Variants in OTUD7B observed in about 807,000 individuals in gnomAD.
OTUD7B encodes OTU domain-containing protein 7B.
Under a neutral mutation model 82.2 loss-of-function variants are expected in OTUD7B, and 34 were observed. The ratio of observed to expected loss-of-function variants is 0.41; its 90% CI spans 0.31 to 0.55. The LOEUF is 0.55. Among genes scored for constraint, OTUD7B ranks in the 20% least tolerant of loss-of-function variants. OTUD7B has a pLI of 0.20. For synonymous variants in OTUD7B, 398 were observed against 402.7 expected, an observed-to-expected ratio of 0.99 and a Z score of 0.14; for missense variants, 944 against 1,062.1, an observed-to-expected ratio of 0.89 and a Z score of 1.55.
At chr1:150,057,896 A>G in the OTUD7B span, among the ~76,000 whole-genome samples, 1 of 152,244 alleles carries the variant, frequency 6.6e-6, no homozygotes, top group African/African-American at 2.4e-5. Context: ...ACAGAAATGT[A>G]TAGCTAGCTA....
Position 149,944,400 on chromosome 1 carries a change from T to C in OTUD7B, c.1989A>G (p.Pro663=), listed in dbSNP as rs1647533416. Residue 663 remains proline, a synonymous_variant, in exon 12 of 12, where the codon CCA becomes CCG. Transcript: ENST00000581312. The stretch of plus-strand genomic sequence containing the variant: ...TAGCATCTGGCTCTGGCTTTTTGGC[T>C]GGAGGAGGGCCACCCCCTATTCCTC... ...MNGGIGGGPP[P]AKKPEPDARE... 1.2e-6 allele frequency: 2 copies of C among 1,614,120 alleles called. No individual in the cohort carries two copies. The highest frequency in any genetic ancestry group is 8.5e-7 in the Non-Finnish European group (1 of 1,180,008).
In OTUD7B at chr1:149,938,575, T is replaced by G. The variant is rs1221149101; in HGVS notation, c.*5282A>C. On this transcript the variant is annotated 3_prime_UTR_variant, in exon 12 of 12. Coordinates refer to ENST00000581312, the MANE Select transcript of OTUD7B (RefSeq NM_020205.4). Reference sequence around the variant, plus strand: ...TCATTCAAGAGCCTCATTCTATTCTTTAGCACTTTGAGGTGTGGAGACAGT... The same window carrying G: ...TCATTCAAGAGCCTCATTCTATTCTGTAGCACTTTGAGGTGTGGAGACAGT... 3 of 150,782 alleles carry G rather than the reference T, an allele frequency of 2.0e-5. No homozygotes were observed. The highest frequency in any genetic ancestry group is 4.4e-5 in the Non-Finnish European group (3 of 67,888). 9.3% of individuals were successfully genotyped at this position (150,782 alleles called of 1,614,324 possible). A position where few individuals can be genotyped will look rare whatever the true frequency, so the allele number is the denominator to read the frequency against.
In OTUD7B at chr1:149,971,181, T is replaced by G. The variant is rs1649899480; in HGVS notation, c.156A>C (p.Leu52=). Residue 52 remains leucine (L), a synonymous_variant, in exon 3 of 12, where the codon CTA becomes CTC. Coordinates refer to ENST00000581312, the MANE Select transcript of OTUD7B (RefSeq NM_020205.4). ...CACTCCCCTCACTAAAGGATGGGGG[T>G]AGGTTTCCAGCATGGACTTGACGTA... ...EQLRQVHAGN[L]PPSFSEGSGG... is the part of the protein sequence containing the mutation. 1 of 1,613,192 alleles carries G rather than the reference T, an allele frequency of 6.2e-7. No homozygotes were observed. Among genetic ancestry groups the G allele is most frequent in the Non-Finnish European group, 8.5e-7 (1 of 1,179,408 alleles).
chr1:150,058,609 C>T, the OTUD7B span, among the ~76,000 whole-genome samples: 1 of 151,482 alleles, frequency 6.6e-6, no homozygotes, highest in Admixed American at 6.6e-5. Flanking sequence ...GATCCATTGA[C>T]TAAAAAATCT....
intron 1 of OTUD7B, among the ~76,000 whole-genome samples, chr1:149,998,658 C>T (rs1239052774): frequency 6.6e-6 from 1 of 152,170 alleles, no homozygotes; most frequent in African/African-American, 2.4e-5. Flanking sequence ...GTACCTTGGA[C>T]TTGTATTACT....
At chr1:150,015,276 C>T (rs1418033583), upstream of OTUD7B, among the ~76,000 whole-genome samples, 145,919 of 145,958 alleles carry the variant, frequency 1, 72,940 homozygotes, top group Middle Eastern at 1. Context: ...TCCTAAATTT[C>T]TTTTTTTCTT....
At chr1:150,015,759 G>C in the OTUD7B span, among the ~76,000 whole-genome samples, 1 of 152,128 alleles carries the variant, frequency 6.6e-6, no homozygotes, top group Non-Finnish European at 1.5e-5. Flanking sequence ...CATGGCTTCA[G>C]GGGAGATTGG....
At chr1:149,961,943 G>A (rs587649926) in intron 6 of OTUD7B, 18 of 151,724 alleles carry the variant, frequency 1.2e-4, no homozygotes, top group African/African-American at 4.1e-4. Context: ...GCTGACATTA[G>A]TATTAAAATG....
rs1316671321 is a variant in OTUD7B, at chr1:149,940,254, C to T, written c.*3603G>A. 6.6e-6 allele frequency: 1 copy of T among 151,626 alleles called. No individual in the cohort carries two copies. Among genetic ancestry groups the T allele is most frequent in the Non-Finnish European group, 1.5e-5 (1 of 67,982 alleles). 9.4% of individuals were successfully genotyped at this position (151,626 alleles called of 1,614,324 possible). A position where few individuals can be genotyped will look rare whatever the true frequency, so the allele number is the denominator to read the frequency against. On this transcript the variant is annotated 3_prime_UTR_variant, in exon 12 of 12. Coordinates refer to ENST00000581312, the MANE Select transcript of OTUD7B (RefSeq NM_020205.4). ...AAACTGAGCTAATAGAGGGAAGGTA[C>T]TTCCCTTCCACTGCCCTCTACAGCA...
the OTUD7B span, among the ~76,000 whole-genome samples, chr1:150,029,465 T>A: frequency 6.6e-6 from 1 of 152,202 alleles, no homozygotes; most frequent in Non-Finnish European, 1.5e-5. Flanking sequence ...GTAACTATAG[T>A]AAGTAACTGC....
chr1:150,012,531 AC>A (rs1653124178), upstream of OTUD7B, among the ~76,000 whole-genome samples: 1 of 152,166 alleles, frequency 6.6e-6, no homozygotes, highest in Non-Finnish European at 1.5e-5. Flanking sequence ...ACCAGGTTAT[AC>A]CCATATAAAT....
the OTUD7B span, among the ~76,000 whole-genome samples, chr1:150,021,110 GC>G: frequency 3.9e-5 from 6 of 151,976 alleles, no homozygotes; most frequent in Admixed American, 3.9e-4. Context: ...AAATACATTG[GC>G]CCTTTTCTAT....
chr1:150,052,095 C>T, the OTUD7B span, among the ~76,000 whole-genome samples: 1 of 152,188 alleles, frequency 6.6e-6, no homozygotes, highest in Non-Finnish European at 1.5e-5. Flanking sequence ...GAAGCATTCC[C>T]CTTGAAAACT....
chr1:149,972,263 C>T (rs1025207398), intron 2 of OTUD7B, among the ~76,000 whole-genome samples: 4 of 152,196 alleles, frequency 2.6e-5, no homozygotes, highest in Non-Finnish European at 4.4e-5. Context: ...GTTTTACTCA[C>T]AATTTTACGT....
Position 149,944,685 on chromosome 1 carries a change from C to G in OTUD7B, c.1704G>C (p.Gly568=), listed in dbSNP as rs200362140. 2.3e-4 allele frequency: 370 copies of G among 1,613,838 alleles called. 2 individuals are homozygous for G. In the African/African-American group the frequency reaches 4.7e-3, roughly 20 times the overall value. ...GGGGCTTCTCAGACACAGGCCCATCCCCAGCTGCCTCCTCCTTGCCACCCT... is the reference window on the plus strand; with the variant it reads ...GGGGCTTCTCAGACACAGGCCCATCGCCAGCTGCCTCCTCCTTGCCACCCT... ...SWKGGKEEAA[G]DGPVSEKPPA... The change falls in exon 12 of 12, where the codon GGG becomes GGC. Residue 568 remains glycine (G), a synonymous_variant. Coordinates refer to ENST00000581312, the MANE Select transcript of OTUD7B (RefSeq NM_020205.4).
rs1652385814 is a variant in OTUD7B, at chr1:150,002,868, CT to C, written c.-67+7579del. Among the ~76,000 whole-genome samples the C allele has an allele frequency of 2.6e-5, 4 of 152,178 alleles. No individual in the cohort carries two copies. The South Asian group carries it at 8.3e-4, about 31-fold the overall frequency. On this transcript the variant is annotated intron_variant, in intron 1 of 11. Transcript: ENST00000581312. The stretch of plus-strand genomic sequence containing the variant: ...AAGTTATTGAAAGGAATTCTGCTTT[CT>C]CCATCTCCAATCCACCCTACACACC...
rs1553776033 is a variant in OTUD7B at position 149,964,216 on chromosome 1, T to C, written c.732+6A>G. On this transcript the variant is annotated splice_donor_region_variant and intron_variant, in intron 6 of 11. Coordinates refer to ENST00000581312, the MANE Select transcript of OTUD7B (RefSeq NM_020205.4). The stretch of plus-strand genomic sequence containing the variant: ...AAACAAGGCGCTCCCACCCACGCTC[T>C]CCCACCTCTTTATTCTGCTGTGTCT... 1.2e-6 allele frequency: 2 copies of C among 1,611,708 alleles called. No homozygotes were observed. Among genetic ancestry groups the C allele is most frequent in the South Asian group, 1.1e-5 (1 of 91,072 alleles).
chr1:149,983,744 G>C (rs1251026761), intron 1 of OTUD7B, among the ~76,000 whole-genome samples: 1 of 152,150 alleles, frequency 6.6e-6, no homozygotes, highest in Non-Finnish European at 1.5e-5. Context: ...GTTGCACGCA[G>C]AGGTAGAACA....
chr1:150,054,988 G>A, the OTUD7B span: 1 of 303,314 alleles, frequency 3.3e-6, no homozygotes, highest in South Asian at 3.3e-5. Flanking sequence ...CCTCTGATCT[G>A]TGTTTGCCCC....
Sources: gnomAD v4.1 joint callset for allele counts (sites outside exome capture counted in the v4.1 genomes callset) on GRCh38, gnomAD v4.1.1 for gene constraint, MANE v1.5 for transcripts, NCBI Gene and HGNC (gene_info 2026-07-23, HGNC 2026-07-21) for gene names.